Variants in CERS1 observed in about 807,000 individuals in gnomAD.
CERS1 encodes the protein Embryonic growth/differentiation factor 1.
CERS1 carries 16 observed loss-of-function variants against 35.7 expected under a neutral mutation model. The observed-to-expected ratio is 0.45, with a 90% CI of 0.30 to 0.68. CERS1 has a LOEUF of 0.68. CERS1 is among the 30% of genes least tolerant of loss of function. The pLI is 0.08. For missense variants in CERS1, 454 were observed against 453.9 expected, an observed-to-expected ratio of 1.00 and a Z score of 0.00; for synonymous variants, 243 against 201.6, an observed-to-expected ratio of 1.21 and a Z score of -1.74.
At chr19:18,891,870 C>T (rs545186426) in intron 2 of CERS1, among the ~76,000 whole-genome samples, 6 of 149,606 alleles carry the variant, frequency 4.0e-5, no homozygotes, top group East Asian at 2.0e-4. Flanking sequence ...TGAGCCACCA[C>T]GCCCAGCCCA....
chr19:18,880,147 CCT>C (rs1601164879), intron 4 of CERS1, 125 bp downstream of exon 4: 5 of 975,694 alleles, frequency 5.1e-6, no homozygotes, highest in East Asian at 2.7e-5. Flanking sequence ...AGGCCCCTCC[CCT>C]GTCATGCCAC....
intron 6 of CERS1, chr19:18,877,792 T>TC (rs1217835900): frequency 6.5e-6 from 1 of 154,394 alleles, no homozygotes; most frequent in African/African-American, 2.5e-5. Context: ...TGACTCATGC[T>TC]CAAAGGACAG....
At chr19:18,890,773 C>T (rs1332986173) in intron 2 of CERS1, among the ~76,000 whole-genome samples, 4 of 134,564 alleles carry the variant, frequency 3.0e-5, no homozygotes, top group African/African-American at 5.4e-5. Context: ...AGAGTAAGAC[C>T]GCGTCTGGGG....
intron 2 of CERS1, among the ~76,000 whole-genome samples, chr19:18,885,671 C>G (rs187312501): frequency 6.6e-5 from 10 of 151,814 alleles, no homozygotes; most frequent in Admixed American, 5.9e-4. Flanking sequence ...AGGCACCCAC[C>G]ACCATGCCTG....
chr19:18,872,545 C>T (rs369650922), intron 6 of CERS1, among the ~76,000 whole-genome samples: 5 of 149,276 alleles, frequency 3.3e-5, no homozygotes, highest in East Asian at 3.9e-4. Context: ...GACGAAGTCT[C>T]GCTCTTGTCC....
At chr19:18,887,170 C>T (rs1469686588) in intron 2 of CERS1, among the ~76,000 whole-genome samples, 4 of 152,302 alleles carry the variant, frequency 2.6e-5, no homozygotes, top group South Asian at 4.2e-4. Context: ...ACTATGCAGC[C>T]ATGAAAAAGA....
chr19:18,887,730 G>A (rs1479385489), intron 2 of CERS1, among the ~76,000 whole-genome samples: 2 of 142,988 alleles, frequency 1.4e-5, no homozygotes, highest in Admixed American at 7.5e-5. Context: ...GGCAGCAAGA[G>A]TGAAACTCCA....
At chr19:18,875,310 C>A (rs2056041756) in intron 6 of CERS1, among the ~76,000 whole-genome samples, 1 of 151,390 alleles carries the variant, frequency 6.6e-6, no homozygotes, top group African/African-American at 2.4e-5. Flanking sequence ...ATTTGGGAGG[C>A]TGAGGCAGGA....
Position 18,869,245 on chromosome 19 carries a change from T to TGCCGCCGCC in CERS1, c.*731_*739dup, listed in dbSNP as rs571387097. On this transcript the variant is annotated 3_prime_UTR_variant, in exon 8 of 8. Coordinates refer to ENST00000623882, the MANE Select transcript of CERS1 (RefSeq NM_021267.5). ...TCAGCTCCCAGCCGCCCTCCGGGGCTGCCGCCGCCGCCGCCGCGAAACGCA... is the reference window on the plus strand; with the variant it reads ...TCAGCTCCCAGCCGCCCTCCGGGGCTGCCGCCGCCGCCGCCGCCGCCGCCGCGAAACGCA... 2.3e-5 allele frequency: 33 copies of TGCCGCCGCC among 1,428,204 alleles called. No individual in the cohort carries two copies. The highest frequency in any genetic ancestry group is 3.0e-5 in the African/African-American group (2 of 66,186). The allele number at this position is 1,428,204 out of a possible 1,614,324, so 88.5% of individuals were successfully genotyped here. A position where few individuals can be genotyped will look rare whatever the true frequency, so the allele number is the denominator to read the frequency against.
At position 18,869,988 on chromosome 19, in the gene CERS1, T is replaced by C; in HGVS notation, c.*589A>G. On this transcript the variant is annotated 3_prime_UTR_variant, in exon 7 of 8. Coordinates refer to ENST00000623882, the MANE Select transcript of CERS1 (RefSeq NM_021267.5). ...CCAGCGAAAGCCCCACTCACCGCGG[T>C]CCGGGATGTGGCGCACGATGTTTCC... 1 of 1,590,054 alleles carries C rather than the reference T, an allele frequency of 6.3e-7. No homozygotes were observed. Among genetic ancestry groups the C allele is most frequent in the Non-Finnish European group, 8.5e-7 (1 of 1,169,882 alleles).
At chr19:18,891,302 G>A (rs1277692383) in intron 2 of CERS1, among the ~76,000 whole-genome samples, 2 of 152,142 alleles carry the variant, frequency 1.3e-5, no homozygotes, top group East Asian at 3.8e-4. Context: ...CCTCTAGGCT[G>A]TTCCCATCAC....
At chr19:18,869,497 C>G (rs1328812419) in intron 7 of CERS1, 107 bp from the exon 8 acceptor site, 5 of 1,228,102 alleles carry the variant, frequency 4.1e-6, no homozygotes, top group Admixed American at 5.9e-5. Flanking sequence ...CGGGGCGCAC[C>G]GTCTGTGGGA....
intron 6 of CERS1, among the ~76,000 whole-genome samples, chr19:18,873,249 C>G (rs115041858): frequency 0.01 from 1,527 of 152,146 alleles, 39 homozygotes; most frequent in African/African-American, 0.035. Flanking sequence ...AAATGTCAAA[C>G]ACGGGAGATG....
Position 18,868,782 on chromosome 19 carries a change from G to A in CERS1, c.*1203C>T. The A allele has an allele frequency of 1.4e-6, 2 of 1,464,542 alleles. No homozygotes were observed. Among genetic ancestry groups the A allele is most frequent in the Non-Finnish European group, 9.1e-7 (1 of 1,099,530 alleles). 90.7% of individuals were successfully genotyped at this position (1,464,542 alleles called of 1,614,324 possible). A position where few individuals can be genotyped will look rare whatever the true frequency, so the allele number is the denominator to read the frequency against. ...AGCACAGCGTGGTTGAGCGCCGGCG[G>A]CCCCCCGGACCCCGACAGCGCGACG... On this transcript the variant is annotated 3_prime_UTR_variant, in exon 8 of 8. Transcript: ENST00000623882.
chr19:18,893,270 A>G, intron 2 of CERS1, 146 bp downstream of exon 2: 1 of 811,396 alleles, frequency 1.2e-6, no homozygotes, highest in Non-Finnish European at 1.9e-6. Flanking sequence ...GCTGGAGTGC[A>G]GTGGCGTGCT....
intron 2 of CERS1, among the ~76,000 whole-genome samples, chr19:18,891,849 G>A (rs1240341082): frequency 1.3e-5 from 2 of 150,196 alleles, no homozygotes; most frequent in Admixed American, 6.6e-5. Context: ...AGGATTACAG[G>A]TGTGAGCCAG....
chr19:18,883,871 C>T (rs2146031952), intron 3 of CERS1, among the ~76,000 whole-genome samples: 1 of 152,340 alleles, frequency 6.6e-6, no homozygotes, highest in Non-Finnish European at 1.5e-5. Flanking sequence ...CCAGCGGAAT[C>T]TCCCTCAGGA....
upstream of CERS1, chr19:18,896,830 C>T (rs1470177466): frequency 6.6e-6 from 1 of 151,830 alleles, no homozygotes; most frequent in East Asian, 2.0e-4. This position sits in a 1 kb window ranked among gnomAD's most constrained non-coding sequence, Gnocchi z 5.9. Flanking sequence ...TTCTGCAGGT[C>T]TGCACAGCGG....
chr19:18,870,352 GC>G lies in CERS1; in HGVS notation c.*224del. 1.9e-6 allele frequency: 3 copies of G among 1,541,000 alleles called. No individual in the cohort carries two copies. Among genetic ancestry groups the G allele is most frequent in the Non-Finnish European group, 2.6e-6 (3 of 1,145,248 alleles). On this transcript the variant is annotated 3_prime_UTR_variant, in exon 7 of 8. Transcript: ENST00000623882. The surrounding 1 kb of genome is among the most constrained non-coding windows in gnomAD (Gnocchi z 5.1). ...CAGAGAGTGCGCAGGGTCCGCGGCG[GC>G]CCGGGACCAGTGGGCTGAGGGCGGG... is the stretch of plus-strand genomic sequence containing the variant.
Sources: gnomAD v4.1 joint callset for allele counts (sites outside exome capture counted in the v4.1 genomes callset) on GRCh38, gnomAD v4.1.1 for gene constraint, Gnocchi (gnomAD v3.1) non-coding constraint, MANE v1.5 for transcripts, NCBI Gene and HGNC (gene_info 2026-07-23, HGNC 2026-07-21) for gene names.